Variants in MCM5 observed in about 807,000 individuals in gnomAD.
MCM5 encodes the protein minichromosome maintenance complex component 5.
In MCM5, 46 loss-of-function variants were observed where a neutral mutation model predicts 79.9. The observed-to-expected ratio is 0.58, with a 90% confidence interval of 0.45 to 0.74. MCM5 has a LOEUF of 0.74. Among genes scored for constraint, MCM5 ranks in the 30% least tolerant of loss-of-function variants. The pLI is 0.00. For missense variants in MCM5, 883 were observed against 1,017.0 expected (o/e 0.87, Z 1.79); for synonymous variants, 404 against 390.5 (o/e 1.03, Z -0.41).
chr22:35,402,028 A>G (rs974723969), intron 2 of MCM5, among the ~76,000 whole-genome samples: 1 of 152,174 alleles, frequency 6.6e-6, no homozygotes, highest in Non-Finnish European at 1.5e-5. Flanking sequence ...GGCCTGTGAT[A>G]CTGCGAGGCT....
chr22:35,445,365 G>C, the MCM5 span, among the ~76,000 whole-genome samples: 1 of 97,520 alleles, frequency 1.0e-5, no homozygotes, highest in African/African-American at 4.1e-5. Context: ...GTCTCATTCT[G>C]TTGCCCAGAC....
At chr22:35,454,252 C>T in the MCM5 span, among the ~76,000 whole-genome samples, 1 of 152,120 alleles carries the variant, frequency 6.6e-6, no homozygotes, top group East Asian at 1.9e-4. Context: ...TAAGGCTTCA[C>T]GTTGTCTCCA....
At chr22:35,454,245 G>A in the MCM5 span, among the ~76,000 whole-genome samples, 1 of 152,124 alleles carries the variant, frequency 6.6e-6, no homozygotes, top group Non-Finnish European at 1.5e-5. Context: ...CGTTCTCTAA[G>A]GCTTCACGTT....
chr22:35,450,687 G>A, the MCM5 span, among the ~76,000 whole-genome samples: 961 of 152,266 alleles, frequency 6.3e-3, 12 homozygotes, highest in African/African-American at 0.022. Context: ...CGGTCCCCAC[G>A]GCAACACGTT....
chr22:35,406,530 G>C, intron 4 of MCM5, 23 bp from the exon 5 acceptor site: 4 of 1,602,180 alleles, frequency 2.5e-6, no homozygotes, highest in Non-Finnish European at 3.4e-6. Context: ...TAACCAACAA[G>C]CTTCCCGATG....
chr22:35,442,009 C>T, the MCM5 span, among the ~76,000 whole-genome samples: 1 of 152,132 alleles, frequency 6.6e-6, no homozygotes, highest in Non-Finnish European at 1.5e-5. Flanking sequence ...CCAGTCTCCC[C>T]TGTTCCCTTT....
chr22:35,452,835 G>C, the MCM5 span, among the ~76,000 whole-genome samples: 1 of 152,170 alleles, frequency 6.6e-6, no homozygotes, highest in Non-Finnish European at 1.5e-5. Context: ...GTTCAGCCCT[G>C]AGAGAGAGGG....
chr22:35,423,022 T>A, intron 15 of MCM5, 192 bp from the exon 16 acceptor site: 1 of 462,638 alleles, frequency 2.2e-6, no homozygotes, highest in East Asian at 3.5e-5. Context: ...GTGCTTGGCC[T>A]GGAGTGTCCC....
intron 9 of MCM5, among the ~76,000 whole-genome samples, chr22:35,414,932 G>C (rs1298944569): frequency 6.6e-6 from 1 of 152,210 alleles, no homozygotes; most frequent in African/African-American, 2.4e-5. Context: ...GAGTGGCGGG[G>C]TTGTATAGGG....
At chr22:35,423,626 G>A (rs762397666) in intron 16 of MCM5, 36 of 272,210 alleles carry the variant, frequency 1.3e-4, no homozygotes, top group Admixed American at 6.4e-4. Flanking sequence ...AGCCCTTCCC[G>A]TCTGTGCCTT....
intron 6 of MCM5, 94 bp downstream of exon 6, chr22:35,408,657 G>C (rs1329385240): frequency 3.7e-5 from 51 of 1,383,078 alleles, no homozygotes; most frequent in Non-Finnish European, 4.8e-5. Context: ...ATCTGGAGCA[G>C]GGTGAGTAGG....
At position 35,410,785 on chromosome 22, in the gene MCM5, T is replaced by C; in HGVS notation, c.794T>C (p.Ile265Thr). The change falls in exon 7 of 17, where the codon ATC becomes ACC. Residue 265 changes from isoleucine (I) to threonine (T), a missense_variant. By Grantham distance (89) the Ile-to-Thr change is moderately conservative. Around this residue, in one of 3 missense-constraint regions of MCM5, gnomAD observed 455 missense variants for 517.5 expected, o/e 0.88. Transcript: ENST00000216122. ...DKVVPGNRVT[I>T]MGIYSIKKFG... is the part of the protein sequence containing the mutation. ...GTCGTCCCTGGGAACAGGGTTACCA[T>C]CATGGGCATCTACTCCATCAAGAAG... The C allele has an allele frequency of 6.2e-7, 1 of 1,614,122 alleles. No homozygotes were observed. The highest frequency in any genetic ancestry group is 1.1e-5 in the South Asian group (1 of 91,082).
chr22:35,444,675 GATA>G, the MCM5 span, among the ~76,000 whole-genome samples: 2 of 152,198 alleles, frequency 1.3e-5, no homozygotes, highest in South Asian at 4.1e-4. Flanking sequence ...TAATGGCCGT[GATA>G]ATAATGATGA....
chr22:35,442,427 T>C, the MCM5 span, among the ~76,000 whole-genome samples: 1 of 152,036 alleles, frequency 6.6e-6, no homozygotes, highest in African/African-American at 2.4e-5. Context: ...GTTTCTATTC[T>C]CTTACGGTTC....
intron 6 of MCM5, among the ~76,000 whole-genome samples, chr22:35,410,187 C>T (rs1325791677): frequency 6.6e-6 from 1 of 152,156 alleles, no homozygotes; most frequent in African/African-American, 2.4e-5. Flanking sequence ...TGTCCCTCCA[C>T]ACCACCCTGT....
chr22:35,448,665 G>A, the MCM5 span, among the ~76,000 whole-genome samples: 1 of 152,194 alleles, frequency 6.6e-6, no homozygotes, highest in African/African-American at 2.4e-5. Flanking sequence ...AGGGAACTGA[G>A]GGAGGTGTTA....
chr22:35,414,096 C>A, intron 9 of MCM5, 110 bp downstream of exon 9: 1 of 679,254 alleles, frequency 1.5e-6, no homozygotes, highest in South Asian at 1.7e-5. Context: ...CCCGGAATCT[C>A]TTCCTCCTTT....
chr22:35,429,601 C>G (rs917985448), downstream of MCM5, among the ~76,000 whole-genome samples: 1 of 151,690 alleles, frequency 6.6e-6, no homozygotes, highest in African/African-American at 2.4e-5. Context: ...GTGGCTTGCT[C>G]TCTTGGCTCA....
chr22:35,449,646 C>T, the MCM5 span, among the ~76,000 whole-genome samples: 5 of 152,244 alleles, frequency 3.3e-5, no homozygotes, highest in Admixed American at 3.3e-4. Context: ...CTCTGTGCCC[C>T]CGCCCATGCT....
Sources: allele counts gnomAD v4.1 joint callset (sites outside exome capture counted in the v4.1 genomes callset), GRCh38; gene constraint gnomAD v4.1.1; regional missense constraint gnomAD v4.1.1; transcripts MANE v1.5; gene names NCBI Gene and HGNC (gene_info 2026-07-23, HGNC 2026-07-21).